TMEM131L: variants seen among roughly 807,000 people sequenced by gnomAD.
TMEM131L encodes transmembrane protein 131-like.
TMEM131L carries 54 observed loss-of-function variants against 192.2 expected under a neutral mutation model. The ratio of observed to expected loss-of-function variants is 0.28; its 90% CI spans 0.23 to 0.35. The LOEUF (loss-of-function observed/expected upper bound fraction) is 0.35, where lower values mean the gene tolerates loss of function less well. Ranked by LOEUF, TMEM131L falls within the 10% of genes least tolerant of loss-of-function variation. The pLI is 1.00. For synonymous variants in TMEM131L, 701 were observed against 704.9 expected, an observed-to-expected ratio of 0.99 and a Z score of 0.09; for missense variants, 1,888 against 1,972.9, an observed-to-expected ratio of 0.96 and a Z score of 0.82.
rs1044837400 is a variant in TMEM131L at position 153,534,013 on chromosome 4, G to T, written c.240-16060G>T. On this transcript the variant is annotated intron_variant, in intron 3 of 34. Coordinates refer to ENST00000409959, the MANE Select transcript of TMEM131L (RefSeq NM_001131007.2). Reference sequence around the variant, plus strand: ...AGGTTTTGGTTGAAGTTTGGGAAACGTTTTTTATGATTCTGCAGTTTCTGA... The same window carrying T: ...AGGTTTTGGTTGAAGTTTGGGAAACTTTTTTTATGATTCTGCAGTTTCTGA... Among the ~76,000 whole-genome samples the T allele has an allele frequency of 2.6e-5, 4 of 152,168 alleles. No individual in the cohort carries two copies. In the East Asian group the frequency reaches 7.7e-4, roughly 29 times the overall value.
intron 2 of TMEM131L, among the ~76,000 whole-genome samples, chr4:153,470,019 T>C (rs2149711195): frequency 6.6e-6 from 1 of 152,012 alleles, no homozygotes; most frequent in East Asian, 1.9e-4. Context: ...ATGTCTCCTG[T>C]TGATTAAGTC....
chr4:153,480,211 C>T (rs2196223), intron 3 of TMEM131L, among the ~76,000 whole-genome samples: 9,953 of 152,180 alleles, frequency 0.065, 658 homozygotes, highest in East Asian at 0.23. Context: ...TGGTGGCGGA[C>T]GCCTGTAGTC....
chr4:153,572,825 C>G (rs1160340406), intron 7 of TMEM131L, among the ~76,000 whole-genome samples: 2 of 152,184 alleles, frequency 1.3e-5, no homozygotes, highest in Non-Finnish European at 2.9e-5. Context: ...CCTTTCATCA[C>G]CCCAAGGGGA....
intron 1 of TMEM131L, 26 bp downstream of exon 1, chr4:153,466,547 T>C (rs79488817): frequency 0.018 from 23,631 of 1,304,948 alleles, 719 homozygotes; most frequent in African/African-American, 0.13. Flanking sequence ...CTGGGCTCGC[T>C]CTGCCTCTCC....
chr4:153,563,306 G>T (rs534873490), intron 7 of TMEM131L, among the ~76,000 whole-genome samples: 1 of 152,224 alleles, frequency 6.6e-6, no homozygotes, highest in African/African-American at 2.4e-5. Context: ...AATTCAAATG[G>T]CATTTAAAAG....
At chr4:153,587,633 G>A in intron 14 of TMEM131L, 109 bp from the exon 15 acceptor site, 1 of 809,798 alleles carries the variant, frequency 1.2e-6, no homozygotes, top group Non-Finnish European at 2.1e-6. Flanking sequence ...CGTGGTTAAA[G>A]GGAAGTTCAC....
intron 3 of TMEM131L, among the ~76,000 whole-genome samples, chr4:153,508,358 G>T (rs1734125253): frequency 6.6e-6 from 1 of 152,196 alleles, no homozygotes; most frequent in South Asian, 2.1e-4. Context: ...GTCCATATGA[G>T]ATGTTACTTT....
At chr4:153,634,127 T>C in intron 32 of TMEM131L, 65 bp from the exon 33 acceptor site, 2 of 1,362,474 alleles carry the variant, frequency 1.5e-6, no homozygotes, top group Non-Finnish European at 2.1e-6. Flanking sequence ...AAAATCATTT[T>C]CCATTTTCTT....
At chr4:153,493,709 G>A (rs746459744) in intron 3 of TMEM131L, among the ~76,000 whole-genome samples, 1 of 152,058 alleles carries the variant, frequency 6.6e-6, no homozygotes, top group Non-Finnish European at 1.5e-5. Flanking sequence ...TGAATCTGAT[G>A]TCATACTGCT....
chr4:153,537,582 G>A (rs1462490559), intron 3 of TMEM131L, among the ~76,000 whole-genome samples: 2 of 152,292 alleles, frequency 1.3e-5, no homozygotes, highest in South Asian at 2.1e-4. Context: ...CTGTCATGGC[G>A]CTGGTGGAGT....
chr4:153,504,124 G>A (rs968980950), intron 3 of TMEM131L, among the ~76,000 whole-genome samples: 2 of 151,668 alleles, frequency 1.3e-5, no homozygotes, highest in Non-Finnish European at 2.9e-5. Context: ...CCGCCACCAC[G>A]CCCGGCTAAT....
At chr4:153,540,065 C>T (rs1040361454) in intron 3 of TMEM131L, among the ~76,000 whole-genome samples, 27 of 151,770 alleles carry the variant, frequency 1.8e-4, no homozygotes, top group African/African-American at 6.0e-4. Context: ...GAGCTGAGAT[C>T]GCGCCACTGC....
At position 153,550,150 on chromosome 4, in the gene TMEM131L, C is replaced by G. The variant is rs962614295; in HGVS notation, c.308+9C>G. ...TTAGATTTTGGAATACAGTAAGTATCTTTTCTTTATAATTAAAACTCATTT... is the reference window on the plus strand; with the variant it reads ...TTAGATTTTGGAATACAGTAAGTATGTTTTCTTTATAATTAAAACTCATTT... On this transcript the variant is annotated intron_variant, in intron 4 of 34. Coordinates refer to ENST00000409959, the MANE Select transcript of TMEM131L (RefSeq NM_001131007.2). The G allele has an allele frequency of 8.0e-5, 95 of 1,188,318 alleles. No homozygotes were observed. The highest frequency in any genetic ancestry group is 1.1e-4 in the Non-Finnish European group (91 of 858,332). The allele number at this position is 1,188,318 out of a possible 1,614,324, so 73.6% of individuals were successfully genotyped here. A position where few individuals can be genotyped will look rare whatever the true frequency, so the allele number is the denominator to read the frequency against.
At chr4:153,577,521 G>A (rs1187558472) in intron 7 of TMEM131L, among the ~76,000 whole-genome samples, 2 of 152,128 alleles carry the variant, frequency 1.3e-5, no homozygotes, top group African/African-American at 2.4e-5. Flanking sequence ...ATCATAGCAC[G>A]AAGGCAATAG....
chr4:153,482,866 C>T (rs1010216400), intron 3 of TMEM131L, among the ~76,000 whole-genome samples: 3 of 152,162 alleles, frequency 2.0e-5, no homozygotes, highest in African/African-American at 7.2e-5. Flanking sequence ...GTTGGCATTA[C>T]AGGCGTGAGC....
intron 3 of TMEM131L, among the ~76,000 whole-genome samples, chr4:153,491,766 G>A (rs1479870831): frequency 6.6e-6 from 1 of 151,998 alleles, no homozygotes; most frequent in Non-Finnish European, 1.5e-5. Context: ...GAGTTCGGTA[G>A]CCCAGTCTTG....
chr4:153,539,983 G>A (rs1736648275), intron 3 of TMEM131L, among the ~76,000 whole-genome samples: 1 of 152,038 alleles, frequency 6.6e-6, no homozygotes, highest in South Asian at 2.1e-4. Context: ...GGTGGCGGGT[G>A]CCTGTAATCC....
chr4:153,607,181 G>C (rs1000942763), intron 25 of TMEM131L, among the ~76,000 whole-genome samples: 3 of 152,278 alleles, frequency 2.0e-5, no homozygotes, highest in African/African-American at 7.2e-5. Flanking sequence ...TTGAATTTCA[G>C]AGGAAAGCAT....
chr4:153,468,691 T>G (rs937906063), intron 2 of TMEM131L, among the ~76,000 whole-genome samples: 1 of 152,152 alleles, frequency 6.6e-6, no homozygotes, highest in Non-Finnish European at 1.5e-5. Context: ...GCAGTTAGCA[T>G]CCCTTGCCTC....
Sources: allele counts gnomAD v4.1 joint callset (sites outside exome capture counted in the v4.1 genomes callset), GRCh38; gene constraint gnomAD v4.1.1; transcripts MANE v1.5; gene names NCBI Gene and HGNC (gene_info 2026-07-23, HGNC 2026-07-21).